The following ARHGAP17 variants were observed in gnomAD, a reference collection of about 807,000 sequenced individuals.
ARHGAP17 encodes Rho GTPase activating protein 17, also known as rho GTPase-activating protein 17.
A neutral mutation model predicts 99.5 loss-of-function variants in ARHGAP17; 57 were observed. The ratio of observed to expected loss-of-function variants is 0.57; its 90% CI spans 0.46 to 0.71. The LOEUF is 0.71. Among genes scored for constraint, ARHGAP17 ranks in the 30% least tolerant of loss-of-function variants. The pLI is 0.00. For synonymous variants in ARHGAP17, 417 were observed against 429.6 expected, an observed-to-expected ratio of 0.97 and a Z score of 0.36; for missense variants, 1,000 against 1,122.4, an observed-to-expected ratio of 0.89 and a Z score of 1.56.
At chr16:25,005,317 T>C (rs1486940204) in intron 1 of ARHGAP17, among the ~76,000 whole-genome samples, 2 of 152,254 alleles carry the variant, frequency 1.3e-5, no homozygotes, top group Non-Finnish European at 2.9e-5. Flanking sequence ...CTTAGATTTT[T>C]TATAGAATCA....
chr16:24,965,727 T>C (rs1349872717), intron 6 of ARHGAP17, among the ~76,000 whole-genome samples: 1 of 152,212 alleles, frequency 6.6e-6, no homozygotes, highest in East Asian at 1.9e-4. Flanking sequence ...GTGACCTAGT[T>C]AGTGACTTAG....
At chr16:24,934,886 G>A (rs1435285784) in intron 18 of ARHGAP17, among the ~76,000 whole-genome samples, 2 of 152,166 alleles carry the variant, frequency 1.3e-5, no homozygotes, top group Non-Finnish European at 2.9e-5. Context: ...AGTGGAGTGT[G>A]TTGAGAGGAG....
chr16:24,959,600 G>A, intron 9 of ARHGAP17, 71 bp downstream of exon 9: 1 of 1,463,950 alleles, frequency 6.8e-7, no homozygotes, highest in Non-Finnish European at 9.5e-7. Flanking sequence ...AGAGGAGTCA[G>A]GGTGAAGAAG....
intron 9 of ARHGAP17, among the ~76,000 whole-genome samples, chr16:24,958,427 G>C (rs957163409): frequency 6.6e-6 from 1 of 152,170 alleles, no homozygotes; most frequent in Non-Finnish European, 1.5e-5. Flanking sequence ...CTCTGAACTT[G>C]CCCAGCAAGA....
chr16:24,952,706 A>C (rs944283288), intron 11 of ARHGAP17, among the ~76,000 whole-genome samples: 5 of 152,244 alleles, frequency 3.3e-5, no homozygotes, highest in Non-Finnish European at 7.3e-5. Context: ...TTGCATTATA[A>C]GCTACTCTCT....
At chr16:24,985,456 C>T (rs147022652) in intron 1 of ARHGAP17, among the ~76,000 whole-genome samples, 227 of 152,268 alleles carry the variant, frequency 1.5e-3, no homozygotes, top group Admixed American at 2.6e-3. Flanking sequence ...TTGAGTCTAC[C>T]GCATTCCTTG....
In ARHGAP17 at chr16:24,968,669, T is replaced by C; in HGVS notation, c.376A>G (p.Ile126Val). The change falls in exon 5 of 20, where the codon ATA becomes GTA. Residue 126 changes from isoleucine to valine, a missense_variant. By Grantham distance (29) the Ile-to-Val change is conservative. Coordinates refer to ENST00000289968, the MANE Select transcript of ARHGAP17 (RefSeq NM_001006634.3). ...CACGGTGAAGCACCCACCTCAGCTA[T>C]GCCGTACAGAGGGTCCACGATCTCC... is the stretch of plus-strand genomic sequence containing the variant. ...EKEIVDPLYGIAEVEIPNIQK... is the reference protein window; with the variant it reads ...EKEIVDPLYGVAEVEIPNIQK... 1.9e-6 allele frequency: 3 copies of C among 1,614,218 alleles called. No homozygotes were observed. The highest frequency in any genetic ancestry group is 1.1e-5 in the South Asian group (1 of 91,084).
rs539700804 is a variant in ARHGAP17, at chr16:25,009,385, G to A, written c.53+5824C>T. ...CCGTCAAAAAAAAAAAAAAAAGGGT[G>A]GGGGGAAGGAAAGGTAGAGTGAAGA... is the stretch of plus-strand genomic sequence containing the variant. On this transcript the variant is annotated intron_variant, in intron 1 of 19. Transcript: ENST00000289968. Among the ~76,000 whole-genome samples the A allele has an allele frequency of 4.6e-5, 7 of 151,824 alleles. No homozygotes were observed. The South Asian group carries it at 8.4e-4, about 18-fold the overall frequency.
At chr16:24,923,873 T>C (rs777827540) in intron 19 of ARHGAP17, among the ~76,000 whole-genome samples, 1 of 152,036 alleles carries the variant, frequency 6.6e-6, no homozygotes. Flanking sequence ...GAGTATCTCA[T>C]CCAGGAAACA....
intron 17 of ARHGAP17, among the ~76,000 whole-genome samples, chr16:24,938,114 G>C (rs1417123480): frequency 1.3e-5 from 2 of 152,198 alleles, no homozygotes; most frequent in East Asian, 3.9e-4. Context: ...TGTAATGCCA[G>C]CCTTTGGGAG....
At chr16:24,940,869 G>A (rs1329673628) in intron 16 of ARHGAP17, among the ~76,000 whole-genome samples, 1 of 152,210 alleles carries the variant, frequency 6.6e-6, no homozygotes, top group African/African-American at 2.4e-5. Flanking sequence ...CTGGCTTCTT[G>A]AGCTCGTGCT....
chr16:24,920,247 C>A lies in ARHGAP17; in HGVS notation c.2529G>T (p.Arg843Ser). ...AGATGCTGCGATGCGGTTCTGAAAC[C>A]CTGGAATTGGAGTCTGGACAAAAAC... The part of the protein sequence containing the change: ...ASKIVTDSNS[R>S]VSEPHRSIFP... The change falls in exon 20 of 20, where the codon AGG becomes AGT. Residue 843 changes from arginine (R) to serine (S), a missense_variant. Physicochemically the swap from Arg to Ser is moderately radical, Grantham distance 110. This residue lies in a region of ARHGAP17 where 528 missense variants were observed against 511.4 expected (regional missense o/e 1.03). Transcript: ENST00000289968. The A allele has an allele frequency of 6.2e-7, 1 of 1,613,928 alleles. No homozygotes were observed. Among genetic ancestry groups the A allele is most frequent in the African/African-American group, 1.3e-5 (1 of 74,976 alleles).
intron 1 of ARHGAP17, among the ~76,000 whole-genome samples, chr16:24,999,344 T>C (rs114055000): frequency 0.023 from 3,548 of 152,236 alleles, 122 homozygotes; most frequent in African/African-American, 0.079. Context: ...AAATTTAACT[T>C]TGATATAATA....
chr16:24,964,821 C>T (rs2052123878), intron 6 of ARHGAP17, among the ~76,000 whole-genome samples: 2 of 152,258 alleles, frequency 1.3e-5, no homozygotes, highest in South Asian at 4.1e-4. Context: ...AATAGTGTAG[C>T]TATGAGGCTG....
intron 1 of ARHGAP17, among the ~76,000 whole-genome samples, chr16:25,014,811 A>T (rs2053739235): frequency 6.6e-6 from 1 of 152,214 alleles, no homozygotes. Flanking sequence ...CGCTCGGCAC[A>T]GCGTTAGGGA....
Position 24,939,428 on chromosome 16 carries a change from C to G in ARHGAP17, c.1660G>C (p.Gly554Arg), listed in dbSNP as rs775962191. The G allele has an allele frequency of 9.9e-6, 16 of 1,611,906 alleles. No individual in the cohort carries two copies. The Admixed American group carries it at 1.5e-4, about 15-fold the overall frequency. The change falls in exon 17 of 20, where the codon GGG becomes CGG. Residue 554 changes from glycine (G) to arginine (R), a missense_variant. By Grantham distance (125) the Gly-to-Arg change is moderately radical. Around this residue, in one of 2 missense-constraint regions of ARHGAP17, gnomAD observed 528 missense variants for 511.4 expected, o/e 1.03. Coordinates refer to ENST00000289968, the MANE Select transcript of ARHGAP17 (RefSeq NM_001006634.3). ...PQSSRAESSS[G>R]GGTVPSSAGI... ...GCGGAAGAGGGGACAGTCCCACCCC[C>G]AGAGCTGCTTTCAGCCCTAGAGCTC... is the stretch of plus-strand genomic sequence containing the variant.
At chr16:24,985,368 C>T (rs1012027201) in intron 1 of ARHGAP17, among the ~76,000 whole-genome samples, 3 of 152,218 alleles carry the variant, frequency 2.0e-5, no homozygotes, top group South Asian at 2.1e-4. Flanking sequence ...CCCTGGACTA[C>T]GATCAAGGTG....
Position 24,977,325 on chromosome 16 carries a change from A to G in ARHGAP17, c.94-6T>C, listed in dbSNP as rs74013605. ...GTGTCCAGGCGTCTCTCAATCTGAC[A>G]AGGCAGAGACAAAAGAGAACAAATT... On this transcript the variant is annotated splice_polypyrimidine_tract_variant and splice_region_variant and intron_variant, in intron 2 of 19. Transcript: ENST00000289968. 17,641 of 1,576,014 alleles carry G rather than the reference A, an allele frequency of 0.011. 480 individuals carry two copies. The highest frequency in any genetic ancestry group is 0.1 in the African/African-American group (7,558 of 74,406).
At chr16:24,937,816 C>T (rs2051183494) in intron 17 of ARHGAP17, among the ~76,000 whole-genome samples, 1 of 152,216 alleles carries the variant, frequency 6.6e-6, no homozygotes, top group African/African-American at 2.4e-5. Context: ...ATTCATCTCT[C>T]TGTGTGGGAA....
Sources: allele counts gnomAD v4.1 joint callset (sites outside exome capture counted in the v4.1 genomes callset), GRCh38; gene constraint gnomAD v4.1.1; regional missense constraint gnomAD v4.1.1; transcripts MANE v1.5; gene names NCBI Gene and HGNC (gene_info 2026-07-23, HGNC 2026-07-21).